Variants in MCTP1 observed in about 807,000 individuals in gnomAD.
MCTP1 encodes multiple C2 and transmembrane domain-containing protein 1.
A neutral mutation model predicts 120.6 loss-of-function variants in MCTP1; 69 were observed. The ratio of observed to expected loss-of-function variants is 0.57; its 90% CI spans 0.47 to 0.70. The LOEUF (loss-of-function observed/expected upper bound fraction) is 0.70, where lower values mean the gene tolerates loss of function less well. Among genes scored for constraint, MCTP1 ranks in the 30% least tolerant of loss-of-function variants. The pLI, the probability that MCTP1 is intolerant of heterozygous loss-of-function variation, is 0.00. For synonymous variants in MCTP1, 529 were observed against 493.1 expected, an observed-to-expected ratio of 1.07 and a Z score of -0.96; for missense variants, 1,203 against 1,248.8, an observed-to-expected ratio of 0.96 and a Z score of 0.55.
At chr5:94,852,423 T>C (rs1284971476) in intron 17 of MCTP1, among the ~76,000 whole-genome samples, 1 of 151,934 alleles carries the variant, frequency 6.6e-6, no homozygotes. Context: ...ATTCTACCCA[T>C]AGCATAATTA....
intron 1 of MCTP1, among the ~76,000 whole-genome samples, chr5:95,186,041 G>A (rs546812359): frequency 2.6e-5 from 4 of 152,048 alleles, no homozygotes; most frequent in African/African-American, 9.6e-5. Context: ...AGGTTGCAGT[G>A]AGCCGAAATT....
intron 12 of MCTP1, among the ~76,000 whole-genome samples, chr5:94,887,206 C>A (rs1268177009): frequency 1.3e-5 from 2 of 152,118 alleles, no homozygotes; most frequent in Admixed American, 1.3e-4. Flanking sequence ...AATTAATGTT[C>A]ATTTTATCAA....
At chr5:95,281,373 C>A (rs1011970187) in intron 1 of MCTP1, among the ~76,000 whole-genome samples, 3 of 152,160 alleles carry the variant, frequency 2.0e-5, no homozygotes, top group Non-Finnish European at 2.9e-5. Flanking sequence ...AGAGGTGAGC[C>A]GGGCTCCTTT....
intron 3 of MCTP1, among the ~76,000 whole-genome samples, chr5:94,944,405 A>G (rs1818442902): frequency 6.6e-6 from 1 of 152,174 alleles, no homozygotes; most frequent in Non-Finnish European, 1.5e-5. Context: ...TGTATTTGCA[A>G]GTGGCTGCAG....
chr5:95,058,575 A>G (rs1260746017), intron 1 of MCTP1, among the ~76,000 whole-genome samples: 1 of 152,222 alleles, frequency 6.6e-6, no homozygotes, highest in African/African-American at 2.4e-5. Context: ...GAAACGCTGT[A>G]TGGGAAATCA....
chr5:94,830,912 C>T (rs548763889), intron 17 of MCTP1, among the ~76,000 whole-genome samples: 1 of 152,212 alleles, frequency 6.6e-6, no homozygotes, highest in Non-Finnish European at 1.5e-5. Context: ...AATTGGGGCA[C>T]TTTGGGTGAA....
At chr5:94,765,343 C>T (rs932802583) in intron 19 of MCTP1, among the ~76,000 whole-genome samples, 1 of 151,948 alleles carries the variant, frequency 6.6e-6, no homozygotes, top group Admixed American at 6.6e-5. Context: ...GGAACTAGAA[C>T]GGCAAGAACA....
At chr5:94,834,403 T>C (rs1165533424) in intron 17 of MCTP1, among the ~76,000 whole-genome samples, 1 of 152,200 alleles carries the variant, frequency 6.6e-6, no homozygotes, top group African/African-American at 2.4e-5. Flanking sequence ...AAGACACATA[T>C]ATTTTTTACA....
chr5:95,255,792 C>T (rs1024899405), intron 1 of MCTP1, among the ~76,000 whole-genome samples: 1 of 152,132 alleles, frequency 6.6e-6, no homozygotes, highest in African/African-American at 2.4e-5. Flanking sequence ...CCCAATCAAG[C>T]ATCTAACTGC....
intron 1 of MCTP1, among the ~76,000 whole-genome samples, chr5:95,126,086 T>G (rs931767081): frequency 6.6e-6 from 1 of 152,184 alleles, no homozygotes; most frequent in Non-Finnish European, 1.5e-5. Context: ...TTGCTTTAAA[T>G]TTATACTATG....
intron 2 of MCTP1, among the ~76,000 whole-genome samples, chr5:94,998,290 C>T (rs1832992670): frequency 6.6e-6 from 1 of 152,114 alleles, no homozygotes; most frequent in Non-Finnish European, 1.5e-5. Context: ...CATTGTATCC[C>T]TGGCTAACAG....
chr5:94,878,030 C>T (rs1319131056), intron 12 of MCTP1, among the ~76,000 whole-genome samples: 1 of 152,030 alleles, frequency 6.6e-6, no homozygotes, highest in Non-Finnish European at 1.5e-5. Flanking sequence ...CCCATGGGGG[C>T]CTTTTATTTT....
chr5:95,098,866 A>G (rs979546652), intron 1 of MCTP1, among the ~76,000 whole-genome samples: 12 of 152,204 alleles, frequency 7.9e-5, no homozygotes, highest in Non-Finnish European at 4.4e-5. Flanking sequence ...ACCTGACTTC[A>G]AACTATACCA....
At chr5:95,212,885 T>C (rs1370675652) in intron 1 of MCTP1, among the ~76,000 whole-genome samples, 3 of 152,196 alleles carry the variant, frequency 2.0e-5, no homozygotes, top group African/African-American at 7.2e-5. Flanking sequence ...GAGCTATCTA[T>C]GACAAACCCA....
chr5:94,839,738 C>G (rs1317739581), intron 17 of MCTP1, among the ~76,000 whole-genome samples: 9 of 152,138 alleles, frequency 5.9e-5, no homozygotes, highest in Non-Finnish European at 1.5e-5. Flanking sequence ...TGAAGCCTGG[C>G]TCTGGCACTT....
At chr5:95,255,803 A>G (rs2152706820) in intron 1 of MCTP1, among the ~76,000 whole-genome samples, 1 of 152,300 alleles carries the variant, frequency 6.6e-6, no homozygotes, top group Non-Finnish European at 1.5e-5. Context: ...ATCTAACTGC[A>G]TCCTGCCTTT....
intron 2 of MCTP1, chr5:94,979,107 G>T (rs1828804770): frequency 6.6e-6 from 1 of 152,102 alleles, no homozygotes; most frequent in African/African-American, 2.4e-5. Flanking sequence ...TAAGGGGCCA[G>T]TTGCCACGGA....
At chr5:95,110,419 G>T (rs961111082) in intron 1 of MCTP1, among the ~76,000 whole-genome samples, 8 of 151,910 alleles carry the variant, frequency 5.3e-5, no homozygotes, top group Non-Finnish European at 1.0e-4. Context: ...CTCTCTTTCT[G>T]CCTGAACACT....
chr5:94,976,033 G>A (rs1053917313), intron 2 of MCTP1, among the ~76,000 whole-genome samples: 2 of 152,070 alleles, frequency 1.3e-5, no homozygotes, highest in African/African-American at 4.8e-5. Context: ...ACAACCTAAT[G>A]AGGTAACCAG....
Sources: gnomAD v4.1 joint callset for allele counts (sites outside exome capture counted in the v4.1 genomes callset) on GRCh38, gnomAD v4.1.1 for gene constraint, MANE v1.5 for transcripts, NCBI Gene and HGNC (gene_info 2026-07-23, HGNC 2026-07-21) for gene names.